Variants in VPS13D observed in about 807,000 individuals in gnomAD.
VPS13D encodes the protein intermembrane lipid transfer protein VPS13D.
VPS13D carries 187 observed loss-of-function variants against 461.9 expected under a neutral mutation model. The observed-to-expected ratio is 0.40, with a 90% CI of 0.36 to 0.46. The LOEUF is 0.46. Among genes scored for constraint, VPS13D ranks in the 20% least tolerant of loss-of-function variants. The pLI is 0.60. For synonymous variants in VPS13D, 1,951 were observed against 1,986.3 expected (o/e 0.98, Z 0.47); for missense variants, 4,711 against 5,364.9 (o/e 0.88, Z 3.81).
chr1:12,303,215 C>CTTGAGTTCCAGGACTCCTGTGTGTT, intron 25 of VPS13D, among the ~76,000 whole-genome samples: 1 of 152,166 alleles, frequency 6.6e-6, no homozygotes, highest in African/African-American at 2.4e-5. Context: ...GTTATTTGCC[C>CTTGAGTTCCAGGACTCCTGTGTGTT]TTGAGTTCCA....
Position 12,456,069 on chromosome 1 carries a change from C to T in VPS13D, c.12405C>T (p.Ile4135=). The T allele has an allele frequency of 6.2e-7, 1 of 1,613,976 alleles. No homozygotes were observed. Among genetic ancestry groups the T allele is most frequent in the South Asian group, 1.1e-5 (1 of 91,066 alleles). ...GGCATCAGTCAGAGCGGGAGTACATCAGGTACCATGCAGCCACAAGTGGTG... is the reference window on the plus strand; with the variant it reads ...GGCATCAGTCAGAGCGGGAGTACATTAGGTACCATGCAGCCACAAGTGGTG... The part of the protein sequence containing the change: ...DNRHQSEREY[I]RYHAATSGEH... Residue 4135 remains isoleucine (I), a synonymous_variant, in exon 66 of 70, where the codon ATC becomes ATT. Coordinates refer to ENST00000620676, the MANE Select transcript of VPS13D (RefSeq NM_015378.4).
intron 59 of VPS13D, among the ~76,000 whole-genome samples, chr1:12,385,872 A>G (rs1644344435): frequency 6.6e-6 from 1 of 152,226 alleles, no homozygotes; most frequent in South Asian, 2.1e-4. Context: ...CTTTCATCCC[A>G]AATAAGGTGA....
At chr1:12,418,138 C>T (rs1424413791) in intron 65 of VPS13D, among the ~76,000 whole-genome samples, 1 of 152,124 alleles carries the variant, frequency 6.6e-6, no homozygotes. Flanking sequence ...GAACTCCTGA[C>T]CTCAAGTGAT....
At chr1:12,250,862 T>G (rs890364370) in intron 6 of VPS13D, among the ~76,000 whole-genome samples, 2 of 152,246 alleles carry the variant, frequency 1.3e-5, no homozygotes, top group Admixed American at 1.3e-4. Context: ...CCATGCTCAT[T>G]AGTGTTGTCC....
intron 65 of VPS13D, among the ~76,000 whole-genome samples, chr1:12,435,863 A>G (rs1011679987): frequency 6.6e-6 from 1 of 152,192 alleles, no homozygotes; most frequent in Non-Finnish European, 1.5e-5. Flanking sequence ...GCTCTTTTGT[A>G]GATGCTGTAC....
At chr1:12,353,532 CAAA>C (rs79787458) in intron 46 of VPS13D, among the ~76,000 whole-genome samples, 1 of 36,368 alleles carries the variant, frequency 2.7e-5, no homozygotes. Context: ...GACTGCATCT[CAAA>C]AAAAAAAAAA....
At chr1:12,414,647 G>A (rs1436854522) in intron 63 of VPS13D, among the ~76,000 whole-genome samples, 1 of 152,150 alleles carries the variant, frequency 6.6e-6, no homozygotes, top group African/African-American at 2.4e-5. Flanking sequence ...TGGTGAGTGG[G>A]CTGCTTCCAA....
At chr1:12,452,956 C>G (rs747174120) in intron 65 of VPS13D, among the ~76,000 whole-genome samples, 10 of 152,188 alleles carry the variant, frequency 6.6e-5, no homozygotes, top group Non-Finnish European at 1.0e-4. Context: ...AGACAGAAGT[C>G]CTACAGTAAG....
chr1:12,356,450 G>C lies in VPS13D; in HGVS notation c.9924G>C (p.Gln3308His). 1 of 1,614,122 alleles carries C rather than the reference G, an allele frequency of 6.2e-7. No individual in the cohort carries two copies. The highest frequency in any genetic ancestry group is 8.5e-7 in the Non-Finnish European group (1 of 1,180,022). ...QDNAKTDAAG[Q>H]FEEHELARSL... ...ATGCCAAGACAGATGCTGCAGGCCA[G>C]TTTGAGGAGCATGAGCTGGCCCGTA... Residue 3308 changes from glutamine (Q) to histidine (H), a missense_variant, in exon 49 of 70, where the codon CAG becomes CAC. Transcript: ENST00000620676.
intron 60 of VPS13D, among the ~76,000 whole-genome samples, chr1:12,391,524 C>T (rs1644426168): frequency 1.3e-5 from 2 of 152,166 alleles, no homozygotes; most frequent in Non-Finnish European, 2.9e-5. Flanking sequence ...TGGAATGCTG[C>T]TGTGTACGAC....
At chr1:12,412,087 T>C (rs1644737474) in intron 63 of VPS13D, among the ~76,000 whole-genome samples, 1 of 152,164 alleles carries the variant, frequency 6.6e-6, no homozygotes, top group Non-Finnish European at 1.5e-5. Flanking sequence ...TACCACAGTA[T>C]CTAAGAATAA....
chr1:12,280,145 C>T (rs1434893369), intron 20 of VPS13D, among the ~76,000 whole-genome samples: 3 of 151,332 alleles, frequency 2.0e-5, no homozygotes, highest in African/African-American at 7.3e-5. Flanking sequence ...TCTTTTTTTT[C>T]CTTCAAAAGT....
intron 21 of VPS13D, among the ~76,000 whole-genome samples, chr1:12,285,929 CTTCCT>C (rs57335089): frequency 0.016 from 1,640 of 104,200 alleles, 47 homozygotes; most frequent in East Asian, 0.044. Flanking sequence ...GAATTTCTTT[CTTCCT>C]TTCCTTTCCT....
At chr1:12,308,762 C>G in intron 27 of VPS13D, 121 bp downstream of exon 27, 1 of 879,162 alleles carries the variant, frequency 1.1e-6, no homozygotes, top group South Asian at 1.7e-5. Flanking sequence ...TGATTCTCCT[C>G]AGCCTCAGCC....
chr1:12,479,933 A>C (rs988911108), intron 67 of VPS13D, among the ~76,000 whole-genome samples: 1 of 152,178 alleles, frequency 6.6e-6, no homozygotes, highest in African/African-American at 2.4e-5. Context: ...TAACACAGAG[A>C]CAGTGTGAGG....
chr1:12,322,824 A>C, intron 34 of VPS13D, 78 bp downstream of exon 34: 1 of 1,283,730 alleles, frequency 7.8e-7, no homozygotes, highest in Non-Finnish European at 1.1e-6. Flanking sequence ...TTTCTTTTGC[A>C]CAACTAAATT....
intron 63 of VPS13D, among the ~76,000 whole-genome samples, chr1:12,407,639 C>T (rs1197882425): frequency 1.3e-5 from 2 of 152,168 alleles, no homozygotes; most frequent in Non-Finnish European, 2.9e-5. Context: ...ATAATTCATA[C>T]CACTGGGCTG....
chr1:12,384,614 C>A lies in VPS13D; in HGVS notation c.11371-646C>A, dbSNP rs531397620. Among the ~76,000 whole-genome samples the A allele has an allele frequency of 2.6e-5, 4 of 152,174 alleles. No homozygotes were observed. In the South Asian group the frequency reaches 8.3e-4, roughly 32 times the overall value. The stretch of plus-strand genomic sequence containing the variant: ...TAGTGCATCACAATTCACAACACCA[C>A]TTTTTATTTATTTATTTATTTATTT... On this transcript the variant is annotated intron_variant, in intron 58 of 69. Coordinates refer to ENST00000620676, the MANE Select transcript of VPS13D (RefSeq NM_015378.4).
rs569787310 is a variant in VPS13D, at chr1:12,263,994, T to G, written c.1594+1914T>G. ...ATTTTTCCAACAGCATGTGCTCACTTTGTGTCTCTGTGTCACATTTTAGTA... is the reference window on the plus strand; with the variant it reads ...ATTTTTCCAACAGCATGTGCTCACTGTGTGTCTCTGTGTCACATTTTAGTA... On this transcript the variant is annotated intron_variant, in intron 13 of 69. Coordinates refer to ENST00000620676, the MANE Select transcript of VPS13D (RefSeq NM_015378.4). 7.2e-5 allele frequency among the ~76,000 whole-genome samples: 11 copies of G among 152,388 alleles called. 1 individual carries two copies. In the South Asian group the frequency reaches 2.3e-3, roughly 32 times the overall value.
Sources: gnomAD v4.1 joint callset for allele counts (sites outside exome capture counted in the v4.1 genomes callset) on GRCh38, gnomAD v4.1.1 for gene constraint, MANE v1.5 for transcripts, NCBI Gene and HGNC (gene_info 2026-07-23, HGNC 2026-07-21) for gene names.